CASQ2: variants seen among roughly 807,000 people sequenced by gnomAD.
The protein encoded by CASQ2 is calsequestrin-2.
Under a neutral mutation model 46.5 loss-of-function variants are expected in CASQ2, and 49 were observed. The ratio of observed to expected loss-of-function variants is 1.05; its 90% CI spans 0.84 to 1.34. CASQ2 has a LOEUF of 1.34. Among genes scored for constraint, CASQ2 ranks in the 40% most tolerant of loss-of-function variants. The pLI, the probability that CASQ2 is intolerant of heterozygous loss-of-function variation, is 0.00. For missense variants in CASQ2, 486 were observed against 481.3 expected (o/e 1.01, Z -0.09); for synonymous variants, 174 against 168.5 (o/e 1.03, Z -0.25).
chr1:115,729,269 T>C (rs1647707016), intron 5 of CASQ2, among the ~76,000 whole-genome samples: 1 of 151,994 alleles, frequency 6.6e-6, no homozygotes, highest in Non-Finnish European at 1.5e-5. Flanking sequence ...AGGCTGGTCT[T>C]GAACTACTGA....
chr1:115,719,099 A>AT (rs1048190682), intron 7 of CASQ2, among the ~76,000 whole-genome samples: 1 of 152,116 alleles, frequency 6.6e-6, no homozygotes, highest in African/African-American at 2.4e-5. Flanking sequence ...CTAAATGCTA[A>AT]TTTTTTTCCT....
Position 115,768,588 on chromosome 1 carries a change from T to G in CASQ2, c.-47A>C. On this transcript the variant is annotated 5_prime_UTR_variant, in exon 1 of 11. Coordinates refer to ENST00000261448, the MANE Select transcript of CASQ2 (RefSeq NM_001232.4). ...GTTCCCAAATATGCTGTGTGCAGAATAGAGGACAGAAGACTGTTAGAGGCC... is the reference window on the plus strand; with the variant it reads ...GTTCCCAAATATGCTGTGTGCAGAAGAGAGGACAGAAGACTGTTAGAGGCC... The G allele has an allele frequency of 8.2e-7, 1 of 1,221,246 alleles. No individual in the cohort carries two copies. The highest frequency in any genetic ancestry group is 1.2e-5 in the South Asian group (1 of 80,822). The allele number at this position is 1,221,246 out of a possible 1,614,324, so 75.7% of individuals were successfully genotyped here.
In CASQ2 at chr1:115,744,838, G is replaced by A; in HGVS notation, c.309C>T (p.Ala103=). 6.2e-7 allele frequency: 1 copy of A among 1,612,378 alleles called. No homozygotes were observed. The highest frequency in any genetic ancestry group is 8.5e-7 in the Non-Finnish European group (1 of 1,178,618). ...MVDAKKEAKL[A]KKLGFDEEGS... The stretch of plus-strand genomic sequence containing the variant: ...AAAAATCACACTTACCCAGTTTCTT[G>A]GCAAGCTTGGCTTCTTTCTTGGCAT... The change falls in exon 2 of 11, where the codon GCC becomes GCT. Residue 103 remains alanine (A), a synonymous_variant. Coordinates refer to ENST00000261448, the MANE Select transcript of CASQ2 (RefSeq NM_001232.4).
At chr1:115,722,653 A>G (rs1647418011) in intron 7 of CASQ2, among the ~76,000 whole-genome samples, 1 of 152,262 alleles carries the variant, frequency 6.6e-6, no homozygotes, top group Admixed American at 6.5e-5. Context: ...AGATAAAGCC[A>G]CAGCAGAAGA....
chr1:115,701,144 G>A lies in CASQ2; in HGVS notation c.*97C>T. On this transcript the variant is annotated 3_prime_UTR_variant, in exon 11 of 11. Transcript: ENST00000261448. ...GATGATGGAAAAGGGAAAGGAGCTG[G>A]CTGGGTGTGGGGCAGAATTGCTTGC... is the stretch of plus-strand genomic sequence containing the variant. 4 of 1,589,918 alleles carry A rather than the reference G, an allele frequency of 2.5e-6. No individual in the cohort carries two copies. Among genetic ancestry groups the A allele is most frequent in the Non-Finnish European group, 3.4e-6 (4 of 1,159,858 alleles).
At chr1:115,728,654 G>T (rs1319800442) in intron 5 of CASQ2, among the ~76,000 whole-genome samples, 2 of 152,196 alleles carry the variant, frequency 1.3e-5, no homozygotes, top group East Asian at 3.8e-4. Context: ...CTTATCACGT[G>T]CCAGGCACTG....
intron 7 of CASQ2, among the ~76,000 whole-genome samples, chr1:115,723,142 C>T (rs953378767): frequency 1.3e-5 from 2 of 152,096 alleles, no homozygotes; most frequent in African/African-American, 4.8e-5. Context: ...GAAAAAGAGA[C>T]GTTTTTCTTT....
At chr1:115,702,361 A>G (rs981834577) in intron 10 of CASQ2, among the ~76,000 whole-genome samples, 1 of 152,192 alleles carries the variant, frequency 6.6e-6, no homozygotes, top group African/African-American at 2.4e-5. Flanking sequence ...TATGAGATGT[A>G]TGGACTGAGA....
At chr1:115,712,130 AC>A (rs1311711270) in intron 8 of CASQ2, among the ~76,000 whole-genome samples, 1 of 152,146 alleles carries the variant, frequency 6.6e-6, no homozygotes, top group Non-Finnish European at 1.5e-5. Flanking sequence ...CAGCATCTGA[AC>A]TGGATCCTTT....
At chr1:115,746,565 C>T (rs1174561392) in intron 1 of CASQ2, among the ~76,000 whole-genome samples, 1 of 152,136 alleles carries the variant, frequency 6.6e-6, no homozygotes. Flanking sequence ...TTTTAATTTG[C>T]ATTTTCCTAA....
Position 115,701,152 on chromosome 1 carries a change from T to A in CASQ2, c.*89A>T. 6.2e-7 allele frequency: 1 copy of A among 1,605,258 alleles called. No homozygotes were observed. The highest frequency in any genetic ancestry group is 8.5e-7 in the Non-Finnish European group (1 of 1,173,704). On this transcript the variant is annotated 3_prime_UTR_variant, in exon 11 of 11. Transcript: ENST00000261448. ...AAAAGGGAAAGGAGCTGGCTGGGTGTGGGGCAGAATTGCTTGCTGCCACCT... is the reference window on the plus strand; with the variant it reads ...AAAAGGGAAAGGAGCTGGCTGGGTGAGGGGCAGAATTGCTTGCTGCCACCT...
Position 115,727,049 on chromosome 1 carries a change from A to T in CASQ2, c.680T>A (p.Ile227Asn). The T allele has an allele frequency of 5.0e-6, 8 of 1,589,132 alleles. No individual in the cohort carries two copies. The highest frequency in any genetic ancestry group is 6.9e-6 in the Non-Finnish European group (8 of 1,164,836). Residue 227 changes from isoleucine (I) to asparagine (N), a missense_variant, in exon 6 of 11, where the codon ATC becomes AAC. By Grantham distance (149) the Ile-to-Asn change is moderately radical. Coordinates refer to ENST00000261448, the MANE Select transcript of CASQ2 (RefSeq NM_001232.4). ...CTCTTCTGTGTAAGGTTTGTTGGGG[A>T]TGGCAATGGGCTCATCCATAAATGG... ...YEPFMDEPIA[I>N]PNKPYTEEEL...
At chr1:115,719,792 G>A (rs1006904119) in intron 7 of CASQ2, among the ~76,000 whole-genome samples, 39 of 152,072 alleles carry the variant, frequency 2.6e-4, no homozygotes, top group Admixed American at 2.2e-3. Context: ...GAGAACCCCC[G>A]GGGCTTCTCT....
intron 1 of CASQ2, among the ~76,000 whole-genome samples, chr1:115,761,476 A>G (rs202126654): frequency 0.018 from 180 of 10,186 alleles, 10 homozygotes; most frequent in East Asian, 0.062. Context: ...GAAGAAGAAG[A>G]AGAAGAAGAA....
At chr1:115,738,976 A>G in intron 3 of CASQ2, among the ~76,000 whole-genome samples, 1 of 146,450 alleles carries the variant, frequency 6.8e-6, no homozygotes. Flanking sequence ...AACATGTTGT[A>G]TTAGTCTTTC....
At chr1:115,731,463 G>A (rs979052356) in intron 5 of CASQ2, among the ~76,000 whole-genome samples, 8 of 152,146 alleles carry the variant, frequency 5.3e-5, no homozygotes, top group South Asian at 2.1e-4. Flanking sequence ...ATTCAGTTTC[G>A]GCTTCTCTGT....
chr1:115,709,182 T>A (rs1654463329), intron 8 of CASQ2, among the ~76,000 whole-genome samples: 1 of 108,070 alleles, frequency 9.3e-6, no homozygotes. Flanking sequence ...AATTGTAAGT[T>A]ACAAGTTCAA....
At chr1:115,724,119 T>C (rs946417718) in intron 7 of CASQ2, among the ~76,000 whole-genome samples, 2 of 152,210 alleles carry the variant, frequency 1.3e-5, no homozygotes, top group Non-Finnish European at 2.9e-5. Flanking sequence ...TCACACCAAA[T>C]GGCCCCTTGT....
intron 8 of CASQ2, among the ~76,000 whole-genome samples, chr1:115,716,019 C>A (rs899101549): frequency 1.3e-5 from 2 of 152,226 alleles, no homozygotes; most frequent in African/African-American, 4.8e-5. Flanking sequence ...GTTTCCTGAT[C>A]TGTCTAGTGG....
Sources: allele counts gnomAD v4.1 joint callset (sites outside exome capture counted in the v4.1 genomes callset), GRCh38; gene constraint gnomAD v4.1.1; transcripts MANE v1.5; gene names NCBI Gene and HGNC (gene_info 2026-07-23, HGNC 2026-07-21).